Variants in SH3KBP1 observed in about 807,000 individuals in gnomAD.
The protein encoded by SH3KBP1 is SH3 domain-containing kinase-binding protein 1.
Under a neutral mutation model 50.1 loss-of-function variants are expected in SH3KBP1, and 8 were observed. The observed-to-expected ratio is 0.16, with a 90% CI of 0.09 to 0.29. The LOEUF (loss-of-function observed/expected upper bound fraction) is 0.29. Among genes scored for constraint, SH3KBP1 ranks in the 10% least tolerant of loss-of-function variants. SH3KBP1 has a pLI of 1.00. For missense variants in SH3KBP1, 377 were observed against 535.2 expected (o/e 0.70, Z 2.92); for synonymous variants, 227 against 218.6 (o/e 1.04, Z -0.34).
intron 3 of SH3KBP1, among the ~76,000 whole-genome samples, chrX:19,728,904 T>G (rs888157497): frequency 8.9e-6 from 1 of 112,289 alleles, no homozygotes; most frequent in Admixed American, 9.4e-5. Flanking sequence ...TAGAAACTTC[T>G]CAACCTTTCA....
chrX:19,683,130 C>G (rs182123777), intron 6 of SH3KBP1, among the ~76,000 whole-genome samples: 5 of 111,357 alleles, frequency 4.5e-5, no homozygotes, highest in African/African-American at 1.6e-4. Flanking sequence ...CTACAATGCT[C>G]AGAAGTATAC....
intron 2 of SH3KBP1, among the ~76,000 whole-genome samples, chrX:19,801,946 C>T (rs1219426527): frequency 9.1e-6 from 1 of 110,448 alleles, no homozygotes; most frequent in Non-Finnish European, 1.9e-5. Flanking sequence ...GGCATGATGG[C>T]AGGTGCCTGT....
chrX:19,713,256 T>C (rs2148696523), intron 3 of SH3KBP1, among the ~76,000 whole-genome samples: 1 of 109,947 alleles, frequency 9.1e-6, no homozygotes, highest in South Asian at 3.9e-4. Context: ...TCATCTGATT[T>C]TTTTCTTAAA....
chrX:19,743,493 C>A (rs544503951), intron 3 of SH3KBP1, among the ~76,000 whole-genome samples: 1 of 111,502 alleles, frequency 9.0e-6, no homozygotes, highest in Non-Finnish European at 1.9e-5. Context: ...TCCAGTACCC[C>A]CTAAATCAAC....
chrX:19,774,293 A>G, intron 2 of SH3KBP1, among the ~76,000 whole-genome samples: 1 of 111,283 alleles, frequency 9.0e-6, no homozygotes, highest in East Asian at 2.8e-4. Context: ...TACCTTTTAT[A>G]AACAACTGTT....
intron 2 of SH3KBP1, among the ~76,000 whole-genome samples, chrX:19,802,057 G>A (rs1285200061): frequency 9.2e-6 from 1 of 108,787 alleles, no homozygotes; most frequent in Non-Finnish European, 1.9e-5. Flanking sequence ...CAGCCTGAGC[G>A]ACAGAGCAAG....
At chrX:19,717,221 G>T (rs183057728) in intron 3 of SH3KBP1, among the ~76,000 whole-genome samples, 23 of 111,727 alleles carry the variant, frequency 2.1e-4, no homozygotes, top group Non-Finnish European at 3.8e-4. Context: ...CCTCCTTTGG[G>T]GGCCAATGAC....
At chrX:19,819,094 A>G (rs1012993332) in intron 2 of SH3KBP1, among the ~76,000 whole-genome samples, 8 of 112,066 alleles carry the variant, frequency 7.1e-5, no homozygotes, top group Non-Finnish European at 1.3e-4. Flanking sequence ...TTTAACAGTT[A>G]GTTATAGGAC....
intron 3 of SH3KBP1, among the ~76,000 whole-genome samples, chrX:19,717,207 G>C (rs946668952): frequency 8.9e-6 from 1 of 111,807 alleles, no homozygotes; most frequent in African/African-American, 3.3e-5. Context: ...TGACATGCCT[G>C]TTGCCTCCTT....
intron 1 of SH3KBP1, among the ~76,000 whole-genome samples, chrX:19,852,792 A>C (rs1048343255): frequency 6.3e-5 from 7 of 111,734 alleles, no homozygotes; most frequent in Non-Finnish European, 1.1e-4. Context: ...TGATCCAGTA[A>C]GTACTTACTG....
At chrX:19,543,490 C>T (rs73631343) in intron 15 of SH3KBP1, among the ~76,000 whole-genome samples, 6,847 of 110,811 alleles carry the variant, frequency 0.062, 517 homozygotes, top group African/African-American at 0.2. Flanking sequence ...TGGGTGGAGT[C>T]CACTTGGTGG....
intron 6 of SH3KBP1, among the ~76,000 whole-genome samples, chrX:19,667,587 C>A (rs977533485): frequency 9.0e-6 from 1 of 111,344 alleles, no homozygotes; most frequent in Non-Finnish European, 1.9e-5. Flanking sequence ...TGTGATCACA[C>A]CACTGCACTC....
chrX:19,765,090 C>T (rs1173319175), intron 2 of SH3KBP1, among the ~76,000 whole-genome samples: 1 of 103,458 alleles, frequency 9.7e-6, no homozygotes, highest in Non-Finnish European at 1.9e-5. Context: ...CCCACCTTGG[C>T]CTTCCAAAGT....
At chrX:19,765,920 G>C (rs1347390199) in intron 2 of SH3KBP1, among the ~76,000 whole-genome samples, 1 of 112,126 alleles carries the variant, frequency 8.9e-6, no homozygotes, top group East Asian at 2.8e-4. Context: ...ATATTCTGTT[G>C]TATAGACACT....
At chrX:19,780,660 A>T (rs996910950) in intron 2 of SH3KBP1, among the ~76,000 whole-genome samples, 7 of 106,581 alleles carry the variant, frequency 6.6e-5, no homozygotes, top group African/African-American at 2.4e-4. Flanking sequence ...CTTTCCACAT[A>T]TGGCTAGCCA....
chrX:19,615,938 C>T (rs1256427918), intron 8 of SH3KBP1, among the ~76,000 whole-genome samples: 2 of 103,092 alleles, frequency 1.9e-5, no homozygotes, highest in African/African-American at 3.6e-5. Context: ...TTTTTTTAGA[C>T]GGGGCCTCAC....
chrX:19,658,049 C>T (rs182149602), intron 6 of SH3KBP1, among the ~76,000 whole-genome samples: 271 of 111,482 alleles, frequency 2.4e-3, no homozygotes, highest in Non-Finnish European at 4.0e-3. Flanking sequence ...CACTTAAAAA[C>T]GGCTAAGCTG....
intron 3 of SH3KBP1, among the ~76,000 whole-genome samples, chrX:19,707,699 C>T (rs2063681496): frequency 8.9e-6 from 1 of 112,450 alleles, no homozygotes; most frequent in South Asian, 3.7e-4. Context: ...TACAACATCT[C>T]ACTCACCCAG....
In SH3KBP1 at chrX:19,642,091, C is replaced by T. The variant is rs189435319; in HGVS notation, c.802+3309G>A. On this transcript the variant is annotated intron_variant, in intron 7 of 17. Transcript: ENST00000397821. ...TCCTGGGCTCAAGAGATCCTCCCGC[C>T]TCGGCCCCCACGAAGTGCTAGGATT... 3.6e-5 allele frequency among the ~76,000 whole-genome samples: 4 copies of T among 112,135 alleles called. No individual in the cohort carries two copies. In the Admixed American group the frequency reaches 3.8e-4, roughly 11 times the overall value.
Sources: allele counts gnomAD v4.1 joint callset (sites outside exome capture counted in the v4.1 genomes callset), GRCh38; gene constraint gnomAD v4.1.1; transcripts MANE v1.5; gene names NCBI Gene and HGNC (gene_info 2026-07-23, HGNC 2026-07-21).